The following SLC9A1 variants were observed in gnomAD, a reference collection of about 807,000 sequenced individuals.
SLC9A1 encodes solute carrier family 9 member A1.
SLC9A1 carries 22 observed loss-of-function variants against 67.9 expected under a neutral mutation model. The ratio of observed to expected loss-of-function variants is 0.32; its 90% CI spans 0.23 to 0.46. The LOEUF is 0.46. SLC9A1 is among the 20% of genes least tolerant of loss of function. The pLI is 1.00. For synonymous variants in SLC9A1, 421 were observed against 471.8 expected, an observed-to-expected ratio of 0.89 and a Z score of 1.40; for missense variants, 686 against 1,094.8, an observed-to-expected ratio of 0.63 and a Z score of 5.27.
chr1:27,127,245 GC>G (rs1444762052), intron 1 of SLC9A1, among the ~76,000 whole-genome samples: 1 of 152,160 alleles, frequency 6.6e-6, no homozygotes, highest in East Asian at 1.9e-4. Flanking sequence ...CAAGAGATCT[GC>G]CTGCTTTGCC....
rs376345134 is a variant in SLC9A1, at chr1:27,100,505, C to T, written c.2250G>A (p.Lys750=). Residue 750 remains lysine, a synonymous_variant, in exon 12 of 12, where the codon AAG becomes AAA. Transcript: ENST00000263980. The surrounding 1 kb of genome is among the most constrained non-coding windows in gnomAD (Gnocchi z 5.6). ...CGTCGTCCTCGTCCTCCTCAGCCAC[C>T]TTTGCAGGATCCCGGCTCAACCCTA... The part of the protein sequence containing the change: ...KVLGLSRDPA[K]VAEEDEDDDG... The T allele has an allele frequency of 1.5e-5, 24 of 1,614,036 alleles. No individual in the cohort carries two copies. Among genetic ancestry groups the T allele is most frequent in the Non-Finnish European group, 1.9e-5 (23 of 1,179,998 alleles).
rs144634114 is a variant in SLC9A1, at chr1:27,114,655, C to T, written c.353-369G>A. Among the ~76,000 whole-genome samples, 31 of 152,254 alleles carry T rather than the reference C, an allele frequency of 2.0e-4. No homozygotes were observed. The East Asian group carries it at 6.0e-3, about 29-fold the overall frequency. On this transcript the variant is annotated intron_variant, in intron 1 of 11. Transcript: ENST00000263980. The surrounding 1 kb of genome is among the most constrained non-coding windows in gnomAD (Gnocchi z 5.4). ...GCCAAGTACCTACGGGCATCACCTACGCCTGAACCCAAGGCATTATTCCAG... is the reference window on the plus strand; with the variant it reads ...GCCAAGTACCTACGGGCATCACCTATGCCTGAACCCAAGGCATTATTCCAG...
rs541572214 is a variant in SLC9A1 at position 27,101,093 on chromosome 1, G to C, written c.2110+110C>G. 1 of 801,350 alleles carries C rather than the reference G, an allele frequency of 1.2e-6. No individual in the cohort carries two copies. Among genetic ancestry groups the C allele is most frequent in the African/African-American group, 1.7e-5 (1 of 59,074 alleles). The allele number at this position is 801,350 out of a possible 1,614,324, so 49.6% of individuals were successfully genotyped here. The stretch of plus-strand genomic sequence containing the variant: ...CTTGGGAGGGGATCCTGAGGTCAGC[G>C]AGGGCCAGGCCTGTCCTCCCAGTGG... On this transcript the variant is annotated intron_variant, in intron 11 of 11. Coordinates refer to ENST00000263980, the MANE Select transcript of SLC9A1 (RefSeq NM_003047.5). The surrounding 1 kb of genome is among the most constrained non-coding windows in gnomAD (Gnocchi z 4.9).
intron 1 of SLC9A1, among the ~76,000 whole-genome samples, chr1:27,119,003 T>G (rs536215005): frequency 1.3e-5 from 2 of 151,272 alleles, no homozygotes; most frequent in East Asian, 1.9e-4. Context: ...ATGGGAGAAG[T>G]GTTTTTCATT....
rs35231148 is a variant in SLC9A1, at chr1:27,119,042, AACACACAC to A, written c.353-4764_353-4757del. 2.9e-3 allele frequency among the ~76,000 whole-genome samples: 400 copies of A among 139,402 alleles called. 2 individuals are homozygous for A. The highest frequency in any genetic ancestry group is 8.0e-3 in the South Asian group (33 of 4,102). 91.5% of individuals were successfully genotyped at this position (139,402 alleles called of 152,430 possible). On this transcript the variant is annotated intron_variant, in intron 1 of 11. Transcript: ENST00000263980. Reference sequence around the variant, plus strand: ...TCTAGTGTAGGTGGTAGCTGGAACGAACACACACACACACACACACACACACACACACA... The same window carrying A: ...TCTAGTGTAGGTGGTAGCTGGAACGAACACACACACACACACACACACACA...
chr1:27,148,280 C>T (rs1035435168), intron 1 of SLC9A1, among the ~76,000 whole-genome samples: 1 of 152,172 alleles, frequency 6.6e-6, no homozygotes, highest in East Asian at 1.9e-4. Flanking sequence ...CCTCATCCTC[C>T]TTCATGCAAA....
At position 27,114,754 on chromosome 1, in the gene SLC9A1, G is replaced by A. The variant is rs2083254267; in HGVS notation, c.353-468C>T. Among the ~76,000 whole-genome samples, 2 of 152,342 alleles carry A rather than the reference G, an allele frequency of 1.3e-5. No individual in the cohort carries two copies. Among genetic ancestry groups the A allele is most frequent in the Middle Eastern group, 3.4e-3 (1 of 294 alleles). ...CTAACAATTCTGTCTGAGGGAAGAT[G>A]GTAGTTCCCTATCACGGAGCTGTTT... is the stretch of plus-strand genomic sequence containing the variant. On this transcript the variant is annotated intron_variant, in intron 1 of 11. Transcript: ENST00000263980. This position sits in a 1 kb window ranked among gnomAD's most constrained non-coding sequence, Gnocchi z 5.4.
chr1:27,126,312 C>A (rs1293641184), intron 1 of SLC9A1, among the ~76,000 whole-genome samples: 4 of 152,146 alleles, frequency 2.6e-5, no homozygotes, highest in African/African-American at 9.7e-5. Flanking sequence ...ACCTGGCACA[C>A]AGGAGGTTCA....
chr1:27,130,201 C>T (rs537412178), intron 1 of SLC9A1, among the ~76,000 whole-genome samples: 3 of 152,140 alleles, frequency 2.0e-5, no homozygotes, highest in African/African-American at 4.8e-5. Flanking sequence ...CCTGGGTTCA[C>T]GCGATTGTCC....
At chr1:27,133,839 A>C (rs2083402140) in intron 1 of SLC9A1, among the ~76,000 whole-genome samples, 1 of 149,532 alleles carries the variant, frequency 6.7e-6, no homozygotes, top group Admixed American at 6.7e-5. Context: ...ATCTCGGCTC[A>C]CTGCAACCTC....
chr1:27,116,406 T>G (rs189808862), intron 1 of SLC9A1, among the ~76,000 whole-genome samples: 1 of 151,752 alleles, frequency 6.6e-6, no homozygotes, highest in African/African-American at 2.4e-5. Context: ...GTTCACACAC[T>G]GAACACTATC....
rs755965694 is a variant in SLC9A1 at position 27,102,149 on chromosome 1, G to T, written c.1821-19C>A. Reference sequence around the variant, plus strand: ...GATGTTCCTGGGGCAATAGGGCATCGGTTAGGTCCCCAAGATTCTTGGGAT... The same window carrying T: ...GATGTTCCTGGGGCAATAGGGCATCTGTTAGGTCCCCAAGATTCTTGGGAT... On this transcript the variant is annotated intron_variant, in intron 8 of 11. Coordinates refer to ENST00000263980, the MANE Select transcript of SLC9A1 (RefSeq NM_003047.5). 1.3e-6 allele frequency: 2 copies of T among 1,583,148 alleles called. No individual in the cohort carries two copies. Among genetic ancestry groups the T allele is most frequent in the Non-Finnish European group, 1.7e-6 (2 of 1,152,060 alleles).
At chr1:27,128,411 C>A (rs1416187022) in intron 1 of SLC9A1, among the ~76,000 whole-genome samples, 2 of 152,074 alleles carry the variant, frequency 1.3e-5, no homozygotes, top group Non-Finnish European at 2.9e-5. Flanking sequence ...ATCCCAGCAG[C>A]GGGGGAGGCC....
Position 27,100,595 on chromosome 1 carries a change from G to C in SLC9A1, c.2160C>G (p.Asp720Glu). Residue 720 changes from aspartate to glutamate, a missense_variant, in exon 12 of 12, where the codon GAC becomes GAG. Around this residue, in one of 7 missense-constraint regions of SLC9A1, gnomAD observed 226 missense variants for 282.4 expected, o/e 0.80. Coordinates refer to ENST00000263980, the MANE Select transcript of SLC9A1 (RefSeq NM_003047.5). This position sits in a 1 kb window ranked among gnomAD's most constrained non-coding sequence, Gnocchi z 5.6. ...PKEDLPVITI[D>E]PASPQSPESV... ...ACTCGGGTGACTGCGGGGAAGCCGG[G>C]TCGATGGTGATGACAGGCAGGTCCT... 1 of 1,613,658 alleles carries C rather than the reference G, an allele frequency of 6.2e-7. No individual in the cohort carries two copies. The highest frequency in any genetic ancestry group is 1.3e-5 in the African/African-American group (1 of 75,048).
In SLC9A1 at chr1:27,127,356, C is replaced by T. The variant is rs542622933; in HGVS notation, c.353-13070G>A. On this transcript the variant is annotated intron_variant, in intron 1 of 11. Coordinates refer to ENST00000263980, the MANE Select transcript of SLC9A1 (RefSeq NM_003047.5). Reference sequence around the variant, plus strand: ...CAGTGGACTGGAGTGGAAATCATTACTTAGATGCTGTAAAGCAGACTTTTC... The same window carrying T: ...CAGTGGACTGGAGTGGAAATCATTATTTAGATGCTGTAAAGCAGACTTTTC... 7.2e-5 allele frequency among the ~76,000 whole-genome samples: 11 copies of T among 152,286 alleles called. No homozygotes were observed. The East Asian group carries it at 2.1e-3, about 29-fold the overall frequency.
At chr1:27,112,104 G>A (rs1201510296) in intron 2 of SLC9A1, among the ~76,000 whole-genome samples, 1 of 152,218 alleles carries the variant, frequency 6.6e-6, no homozygotes, top group Non-Finnish European at 1.5e-5. Context: ...AAGCCTGGGA[G>A]GATGACAGGC....
rs753644114 is a variant in SLC9A1, at chr1:27,116,881, A to G, written c.353-2595T>C. On this transcript the variant is annotated intron_variant, in intron 1 of 11. Transcript: ENST00000263980. ...GAGCCACATCCTCTTTTGCCTGCCA[A>G]TCTTCACCTAGTCTAGTTCCTCTCT... Among the ~76,000 whole-genome samples the G allele has an allele frequency of 5.0e-4, 76 of 152,128 alleles. 1 individual carries two copies. The highest frequency in any genetic ancestry group is 2.6e-4 in the Admixed American group (4 of 15,292).
In SLC9A1 at chr1:27,101,367, T is replaced by C; in HGVS notation, c.2038-92A>G. 1 of 983,246 alleles carries C rather than the reference T, an allele frequency of 1.0e-6. No individual in the cohort carries two copies. The highest frequency in any genetic ancestry group is 2.5e-5 in the East Asian group (1 of 40,086). 60.9% of individuals were successfully genotyped at this position (983,246 alleles called of 1,614,324 possible). ...CGGCCAGTGCACACCCCACCTTTCG[T>C]ATATGCAGGGCGCTTGCTCCCCCTC... On this transcript the variant is annotated intron_variant, in intron 10 of 11. Coordinates refer to ENST00000263980, the MANE Select transcript of SLC9A1 (RefSeq NM_003047.5). This position sits in a 1 kb window ranked among gnomAD's most constrained non-coding sequence, Gnocchi z 4.9.
At chr1:27,120,195 G>A (rs1411180471) in intron 1 of SLC9A1, among the ~76,000 whole-genome samples, 4 of 151,858 alleles carry the variant, frequency 2.6e-5, no homozygotes, top group African/African-American at 9.7e-5. Flanking sequence ...GCGCGATTTC[G>A]GCTCACTACA....
Sources: allele counts gnomAD v4.1 joint callset (sites outside exome capture counted in the v4.1 genomes callset), GRCh38; gene constraint gnomAD v4.1.1; regional missense constraint gnomAD v4.1.1; non-coding constraint Gnocchi (gnomAD v3.1); transcripts MANE v1.5; gene names NCBI Gene and HGNC (gene_info 2026-07-23, HGNC 2026-07-21).